THSD7B: variants seen among roughly 807,000 people sequenced by gnomAD.
THSD7B encodes thrombospondin type-1 domain-containing protein 7B.
Under a neutral mutation model 213.6 loss-of-function variants are expected in THSD7B, and 138 were observed. The observed-to-expected ratio is 0.65, with a 90% confidence interval of 0.56 to 0.74. The LOEUF is 0.74. Among genes scored for constraint, THSD7B ranks in the 30% least tolerant of loss-of-function variants. THSD7B has a pLI of 0.00. For synonymous variants in THSD7B, 742 were observed against 687.0 expected, an observed-to-expected ratio of 1.08 and a Z score of -1.25; for missense variants, 1,931 against 1,991.5, an observed-to-expected ratio of 0.97 and a Z score of 0.58.
In THSD7B at chr2:137,407,853, A is replaced by G. The variant is rs147089276; in HGVS notation, c.2695+2046A>G. On this transcript the variant is annotated intron_variant, in intron 13 of 27. Transcript: ENST00000409968. ...GGTTTTAGACTCAATAGTATTTAAA[A>G]CAATTGTTAATAGAATGCCAAAAAA... Among the ~76,000 whole-genome samples, 194 of 152,066 alleles carry G rather than the reference A, an allele frequency of 1.3e-3. 1 individual carries two copies. Among genetic ancestry groups the G allele is most frequent in the African/African-American group, 4.3e-3 (180 of 41,516 alleles).
intron 12 of THSD7B, among the ~76,000 whole-genome samples, chr2:137,291,291 A>G (rs932306926): frequency 6.6e-6 from 1 of 152,138 alleles, no homozygotes; most frequent in East Asian, 1.9e-4. Flanking sequence ...TTCTCAGTAT[A>G]CACTCCCTTC....
chr2:137,260,174 C>G (rs1682408858), intron 10 of THSD7B, among the ~76,000 whole-genome samples: 1 of 151,986 alleles, frequency 6.6e-6, no homozygotes, highest in Admixed American at 6.6e-5. Context: ...TAGGACATGT[C>G]AACAAATTAT....
intron 2 of THSD7B, among the ~76,000 whole-genome samples, chr2:137,055,586 C>T (rs1032041483): frequency 6.6e-6 from 1 of 152,226 alleles, no homozygotes; most frequent in East Asian, 1.9e-4. Flanking sequence ...TGGGCAGCTC[C>T]CTCATCTGTC....
intron 10 of THSD7B, among the ~76,000 whole-genome samples, chr2:137,249,320 G>GT (rs1413687185): frequency 6.6e-6 from 1 of 151,452 alleles, no homozygotes; most frequent in Non-Finnish European, 1.5e-5. Context: ...ATCAGATTTG[G>GT]TTTAAAAAAA....
At chr2:137,256,314 G>C (rs140967472) in intron 10 of THSD7B, among the ~76,000 whole-genome samples, 80 of 152,226 alleles carry the variant, frequency 5.3e-4, no homozygotes, top group African/African-American at 1.9e-3. Flanking sequence ...TAGAAATTCA[G>C]GCATGCAAAC....
At chr2:137,462,454 G>A (rs1350949721) in intron 15 of THSD7B, among the ~76,000 whole-genome samples, 1 of 152,038 alleles carries the variant, frequency 6.6e-6, no homozygotes, top group East Asian at 1.9e-4. Context: ...GCATGCTATA[G>A]TTCACCAATG....
rs1345469802 is a variant in THSD7B at position 136,882,385 on chromosome 2, T to G, written c.139+68T>G. On this transcript the variant is annotated intron_variant, in intron 2 of 27. Transcript: ENST00000409968. The stretch of plus-strand genomic sequence containing the variant: ...AGGAAGAATATTCTTTCCATCCTTC[T>G]TCTTCTTCTTTCTAAAGTAGTGGGA... 4 of 1,340,624 alleles carry G rather than the reference T, an allele frequency of 3.0e-6. No individual in the cohort carries two copies. In the African/African-American group the frequency reaches 4.6e-5, roughly 15 times the overall value. 83.0% of individuals were successfully genotyped at this position (1,340,624 alleles called of 1,614,324 possible).
chr2:137,196,957 C>T (rs1680777975), intron 7 of THSD7B, among the ~76,000 whole-genome samples: 1 of 152,160 alleles, frequency 6.6e-6, no homozygotes, highest in South Asian at 2.1e-4. Flanking sequence ...TTACGATGCC[C>T]TAAGAGCTCA....
chr2:137,151,411 C>T (rs918385324), intron 5 of THSD7B, among the ~76,000 whole-genome samples: 5 of 151,872 alleles, frequency 3.3e-5, no homozygotes, highest in African/African-American at 9.7e-5. Flanking sequence ...TCATCAATAT[C>T]ACTGTCTTCC....
At chr2:137,203,799 G>T (rs2105026734) in intron 7 of THSD7B, among the ~76,000 whole-genome samples, 1 of 151,918 alleles carries the variant, frequency 6.6e-6, no homozygotes, top group East Asian at 1.9e-4. Flanking sequence ...ACTTTTAATT[G>T]GCATTGATTA....
intron 15 of THSD7B, among the ~76,000 whole-genome samples, chr2:137,455,703 T>C (rs1292371194): frequency 2.0e-5 from 3 of 152,244 alleles, no homozygotes; most frequent in Non-Finnish European, 4.4e-5. Context: ...TCTAAATAGT[T>C]TATTATATTA....
intron 15 of THSD7B, among the ~76,000 whole-genome samples, chr2:137,477,235 T>A (rs1346008974): frequency 6.6e-6 from 1 of 152,242 alleles, no homozygotes; most frequent in South Asian, 2.1e-4. Context: ...ATCTTCTTGC[T>A]GAATTTATCC....
At chr2:137,421,130 G>A (rs971083501) in intron 14 of THSD7B, among the ~76,000 whole-genome samples, 12 of 152,132 alleles carry the variant, frequency 7.9e-5, no homozygotes, top group African/African-American at 2.9e-4. Context: ...CACGCTGACT[G>A]TGTTTTTCCT....
chr2:137,648,753 G>A (rs1476130635), intron 21 of THSD7B, among the ~76,000 whole-genome samples: 2 of 152,090 alleles, frequency 1.3e-5, no homozygotes, highest in African/African-American at 4.8e-5. Context: ...AAATGTGTGT[G>A]TGTGTGTATG....
chr2:137,316,634 T>C (rs1237633401), intron 12 of THSD7B, among the ~76,000 whole-genome samples: 1 of 151,752 alleles, frequency 6.6e-6, no homozygotes, highest in East Asian at 2.0e-4. Context: ...GGTGGGTGCC[T>C]GTAGTCCCAG....
At chr2:137,527,481 C>T (rs1444727585) in intron 15 of THSD7B, among the ~76,000 whole-genome samples, 2 of 151,982 alleles carry the variant, frequency 1.3e-5, no homozygotes, top group Non-Finnish European at 2.9e-5. Flanking sequence ...GGTCAGTTAC[C>T]TTGCTCCATT....
intron 1 of THSD7B, among the ~76,000 whole-genome samples, chr2:136,821,578 A>G (rs1289843161): frequency 6.6e-6 from 1 of 152,182 alleles, no homozygotes; most frequent in Non-Finnish European, 1.5e-5. Flanking sequence ...GTTATTGACA[A>G]GCACAGCAGC....
chr2:136,901,868 C>T (rs533585612), intron 2 of THSD7B, among the ~76,000 whole-genome samples: 2 of 152,306 alleles, frequency 1.3e-5, no homozygotes, highest in South Asian at 4.1e-4. Context: ...CTTTGTTAGA[C>T]TCTGAGTTGT....
intron 5 of THSD7B, among the ~76,000 whole-genome samples, chr2:137,120,801 C>A (rs1688532637): frequency 6.6e-6 from 1 of 152,154 alleles, no homozygotes; most frequent in African/African-American, 2.4e-5. Context: ...AGCTTCCTTT[C>A]CAAATTGTTA....
Sources: gnomAD v4.1 joint callset for allele counts (sites outside exome capture counted in the v4.1 genomes callset) on GRCh38, gnomAD v4.1.1 for gene constraint, MANE v1.5 for transcripts, NCBI Gene and HGNC (gene_info 2026-07-23, HGNC 2026-07-21) for gene names.